The following ZCWPW2 variants were observed in gnomAD, a reference collection of about 807,000 sequenced individuals.
The protein encoded by ZCWPW2 is zinc finger CW-type PWWP domain protein 2.
In ZCWPW2, 45 loss-of-function variants were observed where a neutral mutation model predicts 46.6. The observed-to-expected ratio is 0.96, with a 90% CI of 0.76 to 1.24. The LOEUF (loss-of-function observed/expected upper bound fraction) is 1.24, where lower values mean the gene tolerates loss of function less well. ZCWPW2 is among the 50% of genes most tolerant of loss of function. The pLI is 0.00. For missense variants in ZCWPW2, 429 were observed against 403.9 expected (o/e 1.06, Z -0.53); for synonymous variants, 152 against 137.1 (o/e 1.11, Z -0.76).
chr3:28,411,090 A>T (rs1048125181), intron 2 of ZCWPW2, among the ~76,000 whole-genome samples: 2 of 151,956 alleles, frequency 1.3e-5, no homozygotes, highest in African/African-American at 4.8e-5. Flanking sequence ...AAATAAAATA[A>T]TAGACAAATC....
Position 28,525,412 on chromosome 3 carries a change from C to G in ZCWPW2, c.*724C>G, listed in dbSNP as rs1403026908. 6.6e-6 allele frequency among the ~76,000 whole-genome samples: 1 copy of G among 152,004 alleles called. No homozygotes were observed. The highest frequency in any genetic ancestry group is 1.5e-5 in the Non-Finnish European group (1 of 67,988). On this transcript the variant is annotated 3_prime_UTR_variant, in exon 10 of 10. Coordinates refer to ENST00000383768, the MANE Select transcript of ZCWPW2 (RefSeq NM_001040432.4). The stretch of plus-strand genomic sequence containing the variant: ...AATCTAACAATATAGAAAGTAAAAA[C>G]TCATCATTTTTCAGGGATTCTCATG...
Position 28,348,975 on chromosome 3 carries a change from C to A in ZCWPW2, c.-362C>A. 5 of 985,712 alleles carry A rather than the reference C, an allele frequency of 5.1e-6. No homozygotes were observed. The highest frequency in any genetic ancestry group is 6.0e-6 in the Non-Finnish European group (5 of 830,170). The allele number at this position is 985,712 out of a possible 1,614,324, so 61.1% of individuals were successfully genotyped here. On this transcript the variant is annotated 5_prime_UTR_variant, in exon 1 of 10. Transcript: ENST00000383768. ...AAGTGATTGGAAGTGTGGATGAGCT[C>A]TCAGCCGGAAAAGGGGCTGCCGCTG...
rs765283277 is a variant in ZCWPW2, at chr3:28,413,063, G to T, written c.-6G>T. The T allele has an allele frequency of 5.6e-6, 9 of 1,600,230 alleles. No homozygotes were observed. ...CTCTTTCTTATTTTCCAGATTAAAT[G>T]CCTTAATGGATAAAGAAAAATTGGA... On this transcript the variant is annotated 5_prime_UTR_variant, in exon 3 of 10. An upstream start codon of the reference 5' UTR is lost. Transcript: ENST00000383768.
In ZCWPW2 at chr3:28,420,700, G is replaced by A. The variant is rs1171628484; in HGVS notation, c.332+7300G>A. 4.6e-5 allele frequency among the ~76,000 whole-genome samples: 7 copies of A among 151,426 alleles called. No homozygotes were observed. The East Asian group carries it at 1.4e-3, about 29-fold the overall frequency. On this transcript the variant is annotated intron_variant, in intron 3 of 9. Transcript: ENST00000383768. The stretch of plus-strand genomic sequence containing the variant: ...TGCTGTGATAAGCTTTCACTTTTTG[G>A]TAGGGGTATTATTTATTTTTACCAT...
intron 2 of ZCWPW2, among the ~76,000 whole-genome samples, chr3:28,401,263 C>A (rs1695919206): frequency 6.6e-6 from 1 of 151,830 alleles, no homozygotes; most frequent in Non-Finnish European, 1.5e-5. Flanking sequence ...GGAATGGAAC[C>A]CCACATCTGA....
chr3:28,444,839 G>C (rs1245902603), intron 4 of ZCWPW2, among the ~76,000 whole-genome samples: 1 of 152,162 alleles, frequency 6.6e-6, no homozygotes, highest in Non-Finnish European at 1.5e-5. Context: ...TGGTTCTCCA[G>C]ATATGGTCAA....
In ZCWPW2 at chr3:28,374,183, G is replaced by A. The variant is rs35163068; in HGVS notation, c.-133-16315G>A. ...GATTCTTGTACATGGTGAGTGATAG[G>A]ACACTAATTTTATTCTTTTGCATAT... On this transcript the variant is annotated intron_variant, in intron 1 of 9. Coordinates refer to ENST00000383768, the MANE Select transcript of ZCWPW2 (RefSeq NM_001040432.4). Among the ~76,000 whole-genome samples the A allele has an allele frequency of 3.3e-5, 5 of 152,046 alleles. No homozygotes were observed. In the South Asian group the frequency reaches 6.2e-4, roughly 19 times the overall value.
At chr3:28,382,184 G>T (rs1460519530) in intron 1 of ZCWPW2, among the ~76,000 whole-genome samples, 1 of 147,704 alleles carries the variant, frequency 6.8e-6, no homozygotes, top group Non-Finnish European at 1.5e-5. Context: ...AAAAAAAAGA[G>T]AAATTTATTT....
At chr3:28,464,042 C>T (rs947966697) in intron 4 of ZCWPW2, among the ~76,000 whole-genome samples, 1 of 152,012 alleles carries the variant, frequency 6.6e-6, no homozygotes, top group Non-Finnish European at 1.5e-5. Context: ...GGCATTTTCT[C>T]TATACCTCCT....
intron 3 of ZCWPW2, among the ~76,000 whole-genome samples, chr3:28,426,533 A>C (rs1033863622): frequency 6.6e-6 from 1 of 152,226 alleles, no homozygotes; most frequent in Non-Finnish European, 1.5e-5. Context: ...TACTTTTTAG[A>C]CACAGTATAT....
intron 2 of ZCWPW2, among the ~76,000 whole-genome samples, chr3:28,397,381 A>T (rs1161812914): frequency 6.6e-6 from 1 of 152,132 alleles, no homozygotes; most frequent in Non-Finnish European, 1.5e-5. Context: ...TAAAAATAAC[A>T]TGTATGGGCT....
At chr3:28,421,867 TGTGTG>T (rs1272525748) in intron 3 of ZCWPW2, among the ~76,000 whole-genome samples, 12 of 151,296 alleles carry the variant, frequency 7.9e-5, no homozygotes, top group African/African-American at 2.9e-4. Flanking sequence ...TGTGTGTGTG[TGTGTG>T]TGTGTTTAGC....
intron 4 of ZCWPW2, among the ~76,000 whole-genome samples, chr3:28,464,104 T>G (rs893585236): frequency 3.9e-5 from 6 of 152,156 alleles, no homozygotes; most frequent in African/African-American, 1.4e-4. Context: ...ACCTCATGTG[T>G]AGTACAAGGG....
At chr3:28,450,510 A>G (rs1440251877) in intron 4 of ZCWPW2, among the ~76,000 whole-genome samples, 1 of 152,224 alleles carries the variant, frequency 6.6e-6, no homozygotes, top group Non-Finnish European at 1.5e-5. Context: ...TTGGGCATAA[A>G]TAATGTATTC....
chr3:28,459,955 A>T (rs1297971350), intron 4 of ZCWPW2, among the ~76,000 whole-genome samples: 1 of 152,190 alleles, frequency 6.6e-6, no homozygotes, highest in African/African-American at 2.4e-5. Context: ...TACAAAGCTT[A>T]ATCTAGTACC....
chr3:28,424,351 A>G (rs544100307), intron 3 of ZCWPW2, among the ~76,000 whole-genome samples: 2 of 152,236 alleles, frequency 1.3e-5, no homozygotes, highest in South Asian at 2.1e-4. Context: ...CTCGAAATAC[A>G]TATGTTGGAG....
At chr3:28,363,111 G>A (rs531496097) in intron 1 of ZCWPW2, among the ~76,000 whole-genome samples, 24 of 151,960 alleles carry the variant, frequency 1.6e-4, no homozygotes, top group Non-Finnish European at 3.2e-4. Context: ...AAAGCTGTTG[G>A]GTACTATGCT....
At chr3:28,359,774 T>C (rs546727897) in intron 1 of ZCWPW2, among the ~76,000 whole-genome samples, 5 of 152,150 alleles carry the variant, frequency 3.3e-5, no homozygotes, top group Admixed American at 1.3e-4. Flanking sequence ...CATTCCCTTA[T>C]GTAAGAGGTA....
At chr3:28,411,638 AT>A (rs1696402791) in intron 2 of ZCWPW2, among the ~76,000 whole-genome samples, 1 of 152,102 alleles carries the variant, frequency 6.6e-6, no homozygotes, top group Admixed American at 6.6e-5. Flanking sequence ...TAAGTAACAC[AT>A]AACCTGGCTC....
Sources: allele counts gnomAD v4.1 joint callset (sites outside exome capture counted in the v4.1 genomes callset), GRCh38; gene constraint gnomAD v4.1.1; transcripts MANE v1.5; gene names NCBI Gene and HGNC (gene_info 2026-07-23, HGNC 2026-07-21).